The following FARP1 variants were observed in gnomAD, a reference collection of about 807,000 sequenced individuals.
The protein encoded by FARP1 is FERM, ARHGEF and pleckstrin domain-containing protein 1.
In FARP1, 52 loss-of-function variants were observed where a neutral mutation model predicts 128.8. The observed-to-expected ratio is 0.40, with a 90% CI of 0.32 to 0.51. The LOEUF is 0.51. FARP1 is among the 20% of genes least tolerant of loss of function. The pLI is 0.45. For synonymous variants in FARP1, 580 were observed against 551.8 expected, an observed-to-expected ratio of 1.05 and a Z score of -0.72; for missense variants, 1,333 against 1,367.9, an observed-to-expected ratio of 0.97 and a Z score of 0.40.
At chr13:98,436,135 A>G (rs374106523) in intron 19 of FARP1, 3 of 235,040 alleles carry the variant, frequency 1.3e-5, no homozygotes, top group South Asian at 5.1e-5. Flanking sequence ...TTAAAATTCA[A>G]TCTTCCATAT....
At chr13:98,357,466 T>C (rs1442644727) in intron 3 of FARP1, among the ~76,000 whole-genome samples, 1 of 152,224 alleles carries the variant, frequency 6.6e-6, no homozygotes, top group Non-Finnish European at 1.5e-5. Context: ...TCATTTTGGA[T>C]TATTTCTATT....
intron 1 of FARP1, among the ~76,000 whole-genome samples, chr13:98,148,741 T>C (rs1158141134): frequency 6.6e-6 from 1 of 152,236 alleles, no homozygotes; most frequent in Non-Finnish European, 1.5e-5. Context: ...TTCTGTATTG[T>C]TCCTGTATTA....
chr13:98,157,998 T>C (rs939356149), intron 1 of FARP1, among the ~76,000 whole-genome samples: 2 of 152,232 alleles, frequency 1.3e-5, no homozygotes, highest in African/African-American at 4.8e-5. Flanking sequence ...CCACTTCTTT[T>C]GTGATTATAC....
intron 2 of FARP1, among the ~76,000 whole-genome samples, chr13:98,265,876 C>T (rs1338456286): frequency 6.6e-6 from 1 of 152,110 alleles, no homozygotes; most frequent in East Asian, 1.9e-4. Context: ...TAAGTGCCAC[C>T]TCCATATGTC....
At chr13:98,187,438 G>A (rs1878950978) in intron 1 of FARP1, among the ~76,000 whole-genome samples, 1 of 152,188 alleles carries the variant, frequency 6.6e-6, no homozygotes, top group Admixed American at 6.5e-5. Context: ...AAAGTTTCAT[G>A]GCATTTGAGA....
chr13:98,412,074 G>T (rs201207941), intron 16 of FARP1, 40 bp downstream of exon 16: 1 of 1,598,522 alleles, frequency 6.3e-7, no homozygotes, highest in Admixed American at 1.7e-5. Context: ...TCCTCCCTCC[G>T]TCTTGCTTGT....
intron 3 of FARP1, among the ~76,000 whole-genome samples, chr13:98,362,790 C>T (rs1339142029): frequency 6.6e-6 from 1 of 152,218 alleles, no homozygotes; most frequent in Non-Finnish European, 1.5e-5. Context: ...TCCCAGTCAT[C>T]CTGCAGTGCT....
intron 2 of FARP1, among the ~76,000 whole-genome samples, chr13:98,299,172 C>T (rs1029168777): frequency 2.0e-5 from 3 of 152,074 alleles, no homozygotes; most frequent in Non-Finnish European, 4.4e-5. Context: ...ACATTTGAAC[C>T]GACAGCAACT....
chr13:98,398,727 A>G (rs1594489682), intron 13 of FARP1: 3 of 152,186 alleles, frequency 2.0e-5, no homozygotes, highest in East Asian at 1.9e-4. Flanking sequence ...TCAATTTGCT[A>G]TGAGTGTTCA....
At chr13:98,373,533 G>GACACAC (rs58658962) in intron 5 of FARP1, among the ~76,000 whole-genome samples, 7,142 of 130,962 alleles carry the variant, frequency 0.055, 245 homozygotes, top group Non-Finnish European at 0.064. Flanking sequence ...CAGACAGACA[G>GACACAC]ACACACACAC....
chr13:98,331,491 A>G (rs1887506710), intron 2 of FARP1, among the ~76,000 whole-genome samples: 1 of 152,128 alleles, frequency 6.6e-6, no homozygotes, highest in Non-Finnish European at 1.5e-5. Flanking sequence ...GGGAAGTTTA[A>G]GTTTTATTTT....
At chr13:98,173,549 G>C (rs1275656626) in intron 1 of FARP1, among the ~76,000 whole-genome samples, 1 of 152,210 alleles carries the variant, frequency 6.6e-6, no homozygotes, top group Non-Finnish European at 1.5e-5. Context: ...AGAGGGAATG[G>C]AGCTGCCTCC....
chr13:98,452,235 C>G lies in FARP1; in HGVS notation c.*3918C>G, dbSNP rs1316614325. The G allele has an allele frequency of 6.6e-6, 1 of 152,214 alleles. No homozygotes were observed. The highest frequency in any genetic ancestry group is 1.5e-5 in the Non-Finnish European group (1 of 68,038). 9.4% of individuals were successfully genotyped at this position (152,214 alleles called of 1,614,324 possible). On this transcript the variant is annotated 3_prime_UTR_variant, in exon 27 of 27. Transcript: ENST00000319562. ...GAAAGATGATATGCAGAATCCACTA[C>G]AAGGTGCAACAGAAAATCGTATTGG...
chr13:98,344,726 G>A lies in FARP1; in HGVS notation c.276+860G>A, dbSNP rs142942587. Among the ~76,000 whole-genome samples the A allele has an allele frequency of 1.1e-3, 164 of 152,124 alleles. 1 individual carries two copies. The highest frequency in any genetic ancestry group is 5.2e-3 in the East Asian group (27 of 5,164). On this transcript the variant is annotated intron_variant, in intron 3 of 26. Coordinates refer to ENST00000319562, the MANE Select transcript of FARP1 (RefSeq NM_005766.4). ...AGAGCCGTCAGAGGCAGTGCAGATC[G>A]AGCCTGGCTCTGAGCAGAGCAGGTG...
At chr13:98,184,044 G>C (rs2139210955) in intron 1 of FARP1, among the ~76,000 whole-genome samples, 1 of 152,188 alleles carries the variant, frequency 6.6e-6, no homozygotes, top group African/African-American at 2.4e-5. Flanking sequence ...CACCTTCCCA[G>C]TTAGATTTTA....
chr13:98,345,088 G>C (rs1047285054), intron 3 of FARP1, among the ~76,000 whole-genome samples: 3 of 152,228 alleles, frequency 2.0e-5, no homozygotes, highest in African/African-American at 7.2e-5. Context: ...AACAATTAGA[G>C]TGTAGCAAGT....
At chr13:98,335,273 G>T (rs1887693936) in intron 2 of FARP1, among the ~76,000 whole-genome samples, 1 of 152,188 alleles carries the variant, frequency 6.6e-6, no homozygotes, top group Non-Finnish European at 1.5e-5. Context: ...TACAGGAAAG[G>T]GGCTTAATGG....
At chr13:98,278,032 T>G (rs1194639050) in intron 2 of FARP1, among the ~76,000 whole-genome samples, 1 of 152,264 alleles carries the variant, frequency 6.6e-6, no homozygotes, top group East Asian at 1.9e-4. Context: ...GGTCAAAATC[T>G]GGTGATCTGT....
At chr13:98,186,560 T>C (rs889347847) in intron 1 of FARP1, among the ~76,000 whole-genome samples, 1 of 152,242 alleles carries the variant, frequency 6.6e-6, no homozygotes, top group Non-Finnish European at 1.5e-5. Flanking sequence ...TCACTTAGCA[T>C]AATCTCTTCG....
Sources: gnomAD v4.1 joint callset for allele counts (sites outside exome capture counted in the v4.1 genomes callset) on GRCh38, gnomAD v4.1.1 for gene constraint, MANE v1.5 for transcripts, NCBI Gene and HGNC (gene_info 2026-07-23, HGNC 2026-07-21) for gene names.